The following HEATR1 variants were observed in gnomAD, a reference collection of about 807,000 sequenced individuals.
The protein encoded by HEATR1 is HEAT repeat containing 1.
A neutral mutation model predicts 248.2 loss-of-function variants in HEATR1; 77 were observed. The observed-to-expected ratio is 0.31, with a 90% CI of 0.26 to 0.37. The LOEUF (loss-of-function observed/expected upper bound fraction) is 0.37. Among genes scored for constraint, HEATR1 ranks in the 10% least tolerant of loss-of-function variants. The probability of loss-of-function intolerance (pLI) is 1.00; values close to 1 mark genes in which losing one functional copy is unlikely to be tolerated. For synonymous variants in HEATR1, 897 were observed against 923.1 expected, an observed-to-expected ratio of 0.97 and a Z score of 0.51; for missense variants, 2,420 against 2,504.9, an observed-to-expected ratio of 0.97 and a Z score of 0.72.
In HEATR1 at chr1:236,550,667, G is replaced by T; in HGVS notation, c.*235C>A. 2.2e-6 allele frequency: 1 copy of T among 454,460 alleles called. No individual in the cohort carries two copies. The highest frequency in any genetic ancestry group is 2.0e-5 in the African/African-American group (1 of 50,238). The allele number at this position is 454,460 out of a possible 1,614,324, so 28.2% of individuals were successfully genotyped here. A position where few individuals can be genotyped will look rare whatever the true frequency, so the allele number is the denominator to read the frequency against. On this transcript the variant is annotated 3_prime_UTR_variant, in exon 45 of 45. Transcript: ENST00000366582. ...AATGTTTAAACAAACACAGCAGTCTGTATAAAAATACCGTGTATCATTTAC... is the reference window on the plus strand; with the variant it reads ...AATGTTTAAACAAACACAGCAGTCTTTATAAAAATACCGTGTATCATTTAC...
At chr1:236,582,678 C>T in intron 19 of HEATR1, 58 bp downstream of exon 19, 1 of 1,584,096 alleles carries the variant, frequency 6.3e-7, no homozygotes, top group Non-Finnish European at 8.7e-7. Context: ...GCTGGGATTG[C>T]AGGCCAGCCA....
chr1:236,581,433 A>AGC lies in HEATR1; in HGVS notation c.2563-20_2563-19insGC. ...GATGCACCTAATTAAAAAAAAAAAA[A>AGC]AGCAAACTTTTAATTCTTACTCAAA... is the stretch of plus-strand genomic sequence containing the variant. On this transcript the variant is annotated intron_variant, in intron 19 of 44. Coordinates refer to ENST00000366582, the MANE Select transcript of HEATR1 (RefSeq NM_018072.6). The AGC allele has an allele frequency of 6.9e-7, 1 of 1,440,862 alleles. No individual in the cohort carries two copies. The allele number at this position is 1,440,862 out of a possible 1,614,324, so 89.3% of individuals were successfully genotyped here.
Position 236,559,121 on chromosome 1 carries a change from C to A in HEATR1, c.4785G>T (p.Leu1595=). 6.3e-7 allele frequency: 1 copy of A among 1,585,372 alleles called. No homozygotes were observed. Among genetic ancestry groups the A allele is most frequent in the Non-Finnish European group, 8.5e-7 (1 of 1,171,046 alleles). The part of the protein sequence containing the change: ...YDLLDKVNAL[L]PTETFIPVIR... Reference sequence around the variant, plus strand: ...TCACAGGAATGAATGTCTCTGTGGGCAGCAAGGCATTGACCTAAAGAGAAA... The same window carrying A: ...TCACAGGAATGAATGTCTCTGTGGGAAGCAAGGCATTGACCTAAAGAGAAA... The change falls in exon 35 of 45, where the codon CTG becomes CTT. Residue 1595 remains leucine, a synonymous_variant. Transcript: ENST00000366582.
At chr1:236,579,199 G>GA (rs1663643746) in intron 20 of HEATR1, among the ~76,000 whole-genome samples, 1 of 151,398 alleles carries the variant, frequency 6.6e-6, no homozygotes, top group South Asian at 2.1e-4. Flanking sequence ...GGGCTGCAGT[G>GA]AAAATGCAGG....
chr1:236,551,157 A>G (rs1411378039), intron 44 of HEATR1, 167 bp from the exon 45 acceptor site: 1 of 577,290 alleles, frequency 1.7e-6, no homozygotes, highest in African/African-American at 1.9e-5. Flanking sequence ...GCCTCCCTCC[A>G]CACCGCTCCT....
At position 236,583,050 on chromosome 1, in the gene HEATR1, A is replaced by G; in HGVS notation, c.2388T>C (p.Phe796=). The change falls in exon 18 of 45, where the codon TTT becomes TTC. Residue 796 remains phenylalanine (F), a synonymous_variant. Coordinates refer to ENST00000366582, the MANE Select transcript of HEATR1 (RefSeq NM_018072.6). ...ATTTAGGAGCTTTCAGTGCATAAAT[A>G]AATTTTTTCAAGGAAAATACAAGAA... ...SVFLVFSLKK[F]IYALKAPKSF... 6.2e-7 allele frequency: 1 copy of G among 1,614,200 alleles called. No homozygotes were observed. The highest frequency in any genetic ancestry group is 8.5e-7 in the Non-Finnish European group (1 of 1,180,016).
At chr1:236,604,319 G>A (rs1175726920) in intron 1 of HEATR1, 103 bp downstream of exon 1, 5 of 436,140 alleles carry the variant, frequency 1.1e-5, no homozygotes, top group African/African-American at 8.2e-5. Context: ...CCGCGCCAAG[G>A]CTTTCCTTCA....
At chr1:236,595,726 G>A in intron 7 of HEATR1, 53 bp from the exon 8 acceptor site, 2 of 1,552,496 alleles carry the variant, frequency 1.3e-6, no homozygotes, top group South Asian at 1.2e-5. Context: ...TAGACAATGA[G>A]TAACAATATA....
At chr1:236,572,898 C>T (rs1572040475) in intron 24 of HEATR1, 70 bp from the exon 25 acceptor site, 1 of 1,340,880 alleles carries the variant, frequency 7.5e-7, no homozygotes, top group Non-Finnish European at 1.1e-6. Flanking sequence ...TAAATGTTAA[C>T]CCCTAGGAAG....
chr1:236,567,793 A>T (rs1663314304), intron 29 of HEATR1, among the ~76,000 whole-genome samples: 1 of 152,268 alleles, frequency 6.6e-6, no homozygotes, highest in African/African-American at 2.4e-5. Flanking sequence ...ACTGATAGCA[A>T]GTCTGCTTAG....
intron 19 of HEATR1, among the ~76,000 whole-genome samples, 167 bp downstream of exon 19, chr1:236,582,569 A>ATT (rs1210424988): frequency 6.6e-6 from 1 of 150,988 alleles, no homozygotes; most frequent in Admixed American, 6.6e-5. Context: ...TGCCTGGCTA[A>ATT]TTTTTGTATT....
Position 236,595,670 on chromosome 1 carries a change from T to C in HEATR1, c.960A>G (p.Pro320=). Residue 320 remains proline (P), a synonymous_variant, in exon 8 of 45, where the codon CCA becomes CCG. Transcript: ENST00000366582. ...RQKPESLGKK[P]FPHLCNVPDL... ...CAGGAACATTACATAAGTGAGGGAA[T>C]GGCCTTTGAAGAAGCAAAAGTACAT... is the stretch of plus-strand genomic sequence containing the variant. 6.2e-7 allele frequency: 1 copy of C among 1,611,174 alleles called. No individual in the cohort carries two copies. The highest frequency in any genetic ancestry group is 1.1e-5 in the South Asian group (1 of 90,256).
Position 236,581,405 on chromosome 1 carries a change from C to T in HEATR1, c.2572G>A (p.Glu858Lys). The T allele has an allele frequency of 1.3e-6, 2 of 1,488,698 alleles. No individual in the cohort carries two copies. Among genetic ancestry groups the T allele is most frequent in the East Asian group, 2.4e-5 (1 of 42,264 alleles). 92.2% of individuals were successfully genotyped at this position (1,488,698 alleles called of 1,614,324 possible). ...LMKLFIKVHL[E>K]DVFQLFKFCS... ...AACTTGAATAACTGAAAAACATCTT[C>T]TAGATGCACCTAATTAAAAAAAAAA... Residue 858 changes from glutamate to lysine, a missense_variant, in exon 20 of 45, where the codon GAA becomes AAA. Glu to Lys is a moderately conservative substitution (Grantham distance 56, BLOSUM62 1). Transcript: ENST00000366582.
intron 12 of HEATR1, among the ~76,000 whole-genome samples, chr1:236,589,974 G>T (rs749340706): frequency 7.9e-5 from 12 of 152,200 alleles, no homozygotes; most frequent in Admixed American, 2.6e-4. Flanking sequence ...TACAGGGACT[G>T]CTTGAATGAC....
intron 43 of HEATR1, 116 bp downstream of exon 43, chr1:236,553,465 T>C (rs1288449885): frequency 9.6e-7 from 1 of 1,042,916 alleles, no homozygotes; most frequent in Non-Finnish European, 1.4e-6. Context: ...GGATGACAAA[T>C]AGCAATGTTC....
rs907434775 is a variant in HEATR1, at chr1:236,585,169, C to T, written c.2097G>A (p.Lys699=). 1 of 1,613,950 alleles carries T rather than the reference C, an allele frequency of 6.2e-7. No homozygotes were observed. Among genetic ancestry groups the T allele is most frequent in the Non-Finnish European group, 8.5e-7 (1 of 1,179,914 alleles). ...SVGEEESFNL[K]QKVTFHVILS... is the part of the protein sequence containing the mutation. ...GGATCACATGAAACGTTACTTTCTG[C>T]TTCAGGTTAAAGGACTCCTCCTCAC... Residue 699 remains lysine (K), a synonymous_variant, in exon 17 of 45, where the codon AAG becomes AAA. Coordinates refer to ENST00000366582, the MANE Select transcript of HEATR1 (RefSeq NM_018072.6).
chr1:236,577,014 A>C, intron 20 of HEATR1, 65 bp from the exon 21 acceptor site: 1 of 1,273,452 alleles, frequency 7.9e-7, no homozygotes, highest in Admixed American at 2.3e-5. Flanking sequence ...CAAAATTTAC[A>C]TAGTACCAAA....
chr1:236,579,226 C>T (rs1385834873), intron 20 of HEATR1, among the ~76,000 whole-genome samples: 1 of 152,160 alleles, frequency 6.6e-6, no homozygotes, highest in African/African-American at 2.4e-5. Context: ...ACTGTTTATT[C>T]AGTGTCCCCA....
At chr1:236,591,927 G>T in intron 11 of HEATR1, 66 bp downstream of exon 11, 2 of 915,112 alleles carry the variant, frequency 2.2e-6, no homozygotes, top group South Asian at 1.9e-5. Context: ...ATTTCCTTCT[G>T]GAGCTCTTCA....
Sources: gnomAD v4.1 joint callset for allele counts (sites outside exome capture counted in the v4.1 genomes callset) on GRCh38, gnomAD v4.1.1 for gene constraint, MANE v1.5 for transcripts, NCBI Gene and HGNC (gene_info 2026-07-23, HGNC 2026-07-21) for gene names.